The following CLIC5 variants were observed in gnomAD, a reference collection of about 807,000 sequenced individuals.
The protein encoded by CLIC5 is CLIC family member 5, also known as chloride intracellular channel protein 5.
A neutral mutation model predicts 24.7 loss-of-function variants in CLIC5; 20 were observed. The ratio of observed to expected loss-of-function variants is 0.81; its 90% confidence interval spans 0.57 to 1.18. The LOEUF (loss-of-function observed/expected upper bound fraction) is 1.18, where lower values mean the gene tolerates loss of function less well. Ranked by LOEUF, CLIC5 falls within the 50% of genes most tolerant of loss-of-function variation. The probability of loss-of-function intolerance (pLI) is 0.00; values close to 1 mark genes in which losing one functional copy is unlikely to be tolerated. For missense variants in CLIC5, 341 were observed against 326.1 expected, an observed-to-expected ratio of 1.05 and a Z score of -0.35; for synonymous variants, 159 against 135.6, an observed-to-expected ratio of 1.17 and a Z score of -1.20.
At chr6:45,983,774 G>A (rs892143284) in intron 1 of CLIC5, among the ~76,000 whole-genome samples, 1 of 152,192 alleles carries the variant, frequency 6.6e-6, no homozygotes, top group African/African-American at 2.4e-5. Context: ...CTTCGGGCCT[G>A]AAATATAATG....
At chr6:45,923,705 A>G (rs1763363574) in intron 4 of CLIC5, among the ~76,000 whole-genome samples, 1 of 152,236 alleles carries the variant, frequency 6.6e-6, no homozygotes, top group Admixed American at 6.5e-5. Flanking sequence ...GTAGTCATTC[A>G]TTGAGTATTC....
chr6:46,060,748 T>A (rs1762238147), intron 1 of CLIC5, among the ~76,000 whole-genome samples: 1 of 152,176 alleles, frequency 6.6e-6, no homozygotes, highest in South Asian at 2.1e-4. Context: ...GCTTAAAGCC[T>A]GCTTCCTTCA....
Position 45,907,342 on chromosome 6 carries a change from A to G in CLIC5, c.589-4087T>C, listed in dbSNP as rs1346366022. Among the ~76,000 whole-genome samples the G allele has an allele frequency of 2.0e-5, 3 of 152,280 alleles. No homozygotes were observed. The East Asian group carries it at 5.8e-4, about 29-fold the overall frequency. On this transcript the variant is annotated intron_variant, in intron 5 of 5. Transcript: ENST00000339561. Reference sequence around the variant, plus strand: ...GCGAATAACATTTATTGATTTGTGTATGTTGAACCAACCATGCATCCTAAG... The same window carrying G: ...GCGAATAACATTTATTGATTTGTGTGTGTTGAACCAACCATGCATCCTAAG...
At chr6:46,044,441 CT>C (rs1767900506) in intron 1 of CLIC5, among the ~76,000 whole-genome samples, 1 of 152,146 alleles carries the variant, frequency 6.6e-6, no homozygotes, top group Non-Finnish European at 1.5e-5. Flanking sequence ...TGTATCATCA[CT>C]TGGTTTAAGA....
At chr6:45,939,389 T>G (rs1451439897) in intron 4 of CLIC5, among the ~76,000 whole-genome samples, 2 of 151,756 alleles carry the variant, frequency 1.3e-5, no homozygotes, top group East Asian at 3.9e-4. Flanking sequence ...AATTTTTGTA[T>G]TTTTAGTGGA....
At chr6:45,885,630 C>G (rs542367141) in intron 6 of CLIC5, among the ~76,000 whole-genome samples, 1 of 152,102 alleles carries the variant, frequency 6.6e-6, no homozygotes, top group South Asian at 2.1e-4. Flanking sequence ...AGATGAGGAA[C>G]GTCAATTCTC....
At chr6:46,048,143 C>T (rs1260187426) in intron 1 of CLIC5, among the ~76,000 whole-genome samples, 2 of 152,044 alleles carry the variant, frequency 1.3e-5, no homozygotes, top group East Asian at 1.9e-4. Flanking sequence ...GCTGAGATTA[C>T]AGGTGCATGC....
intron 6 of CLIC5, among the ~76,000 whole-genome samples, chr6:45,885,114 T>C (rs1561910283): frequency 6.6e-6 from 1 of 152,126 alleles, no homozygotes; most frequent in East Asian, 1.9e-4. Context: ...TGAATGTTTA[T>C]GTGCCCCAAA....
At chr6:45,965,660 C>CT (rs1764992993) in intron 1 of CLIC5, among the ~76,000 whole-genome samples, 2 of 152,216 alleles carry the variant, frequency 1.3e-5, no homozygotes, top group Non-Finnish European at 2.9e-5. Context: ...AACAGAACTC[C>CT]TTTCCACATT....
Position 45,955,055 on chromosome 6 carries a change from G to A in CLIC5, c.173+80C>T, listed in dbSNP as rs771958382. The A allele has an allele frequency of 1.2e-5, 12 of 985,186 alleles. No homozygotes were observed. In the African/African-American group the frequency reaches 1.3e-4, roughly 11 times the overall value. The allele number at this position is 985,186 out of a possible 1,614,324, so 61.0% of individuals were successfully genotyped here. ...TGAGCAGGGGGCTGCTGGGAGCCAC[G>A]GAAGGCTTTTGCCCTCCTTCATGGA... On this transcript the variant is annotated intron_variant, in intron 2 of 5. Transcript: ENST00000339561.
chr6:46,001,989 T>A (rs904774113), intron 1 of CLIC5, among the ~76,000 whole-genome samples: 3 of 152,090 alleles, frequency 2.0e-5, no homozygotes, highest in Non-Finnish European at 4.4e-5. Context: ...GTCCTAGCAG[T>A]GAGGCTGGAC....
intron 2 of CLIC5, among the ~76,000 whole-genome samples, chr6:45,953,846 C>T (rs920350352): frequency 2.6e-5 from 4 of 152,050 alleles, no homozygotes; most frequent in Non-Finnish European, 4.4e-5. Context: ...GAGACTTGAA[C>T]CAGTTGTAGG....
rs56660827 is a variant in CLIC5, at chr6:46,050,853, A to ATGTGTGTGTGTGTGTGTG, written c.540+28832_540+28849dup. On this transcript the variant is annotated intron_variant, in intron 1 of 5. Transcript: ENST00000185206. ...TATTTAAGGTATAAAGTGTGTGTGT[A>ATGTGTGTGTGTGTGTGTG]TGTGTGTGTGTGTGTGTGTGTGTGC... Among the ~76,000 whole-genome samples the ATGTGTGTGTGTGTGTGTG allele has an allele frequency of 1.5e-4, 22 of 148,564 alleles. 1 individual carries two copies. In the South Asian group the frequency reaches 1.7e-3, roughly 12 times the overall value.
the CLIC5 span, among the ~76,000 whole-genome samples, chr6:46,112,708 G>A: frequency 1.3e-5 from 2 of 152,194 alleles, no homozygotes; most frequent in Non-Finnish European, 2.9e-5. Flanking sequence ...CAGTGGGGAT[G>A]CAGCAAAGGT....
intron 5 of CLIC5, chr6:45,911,990 C>A: frequency 8.1e-6 from 8 of 985,564 alleles, no homozygotes; most frequent in Non-Finnish European, 9.6e-6. Context: ...TGGAGATAAA[C>A]CTGAAAGCGA....
the CLIC5 span, chr6:46,129,370 C>CTTCCAAT: frequency 1.3e-5 from 2 of 152,206 alleles, no homozygotes; most frequent in African/African-American, 2.4e-5. Flanking sequence ...ATTAAATAAC[C>CTTCCAAT]TTCCAATTAA....
chr6:46,023,967 A>G (rs1767256987), intron 1 of CLIC5, among the ~76,000 whole-genome samples: 1 of 152,168 alleles, frequency 6.6e-6, no homozygotes. Context: ...TTTGGTGAAC[A>G]GTCCATCTTG....
chr6:45,930,683 G>C (rs1763701039), intron 4 of CLIC5, among the ~76,000 whole-genome samples: 1 of 152,212 alleles, frequency 6.6e-6, no homozygotes, highest in Non-Finnish European at 1.5e-5. Flanking sequence ...GTGGACACTA[G>C]GTATGGAGGC....
intron 4 of CLIC5, among the ~76,000 whole-genome samples, chr6:45,928,244 T>A (rs1284651627): frequency 6.6e-6 from 1 of 152,220 alleles, no homozygotes; most frequent in East Asian, 1.9e-4. Flanking sequence ...AGTTCTTATG[T>A]CTTTGCAACA....
Sources: allele counts gnomAD v4.1 joint callset (sites outside exome capture counted in the v4.1 genomes callset), GRCh38; gene constraint gnomAD v4.1.1; transcripts MANE v1.5; gene names NCBI Gene and HGNC (gene_info 2026-07-23, HGNC 2026-07-21).